The following PRELID2 variants were observed in gnomAD, a reference collection of about 807,000 sequenced individuals.
PRELID2 encodes PRELI domain-containing protein 2.
Under a neutral mutation model 28.4 loss-of-function variants are expected in PRELID2, and 25 were observed. The ratio of observed to expected loss-of-function variants is 0.88; its 90% CI spans 0.64 to 1.23. The LOEUF is 1.23. Ranked by LOEUF, PRELID2 falls within the 50% of genes most tolerant of loss-of-function variation. The probability of loss-of-function intolerance (pLI) is 0.00; values close to 1 mark genes in which losing one functional copy is unlikely to be tolerated. For synonymous variants in PRELID2, 76 were observed against 71.6 expected, an observed-to-expected ratio of 1.06 and a Z score of -0.31; for missense variants, 201 against 214.4, an observed-to-expected ratio of 0.94 and a Z score of 0.39.
At chr5:145,632,968 C>T (rs1160945671) in intron 1 of PRELID2, among the ~76,000 whole-genome samples, 6 of 152,096 alleles carry the variant, frequency 3.9e-5, no homozygotes, top group Non-Finnish European at 8.8e-5. Context: ...TGGAGAGGGC[C>T]ATGTGGCACC....
chr5:145,384,424 C>A, the PRELID2 span, among the ~76,000 whole-genome samples: 2 of 151,938 alleles, frequency 1.3e-5, no homozygotes, highest in Non-Finnish European at 2.9e-5. Flanking sequence ...TTTCTAGCAA[C>A]ATAAATGAAT....
the PRELID2 span, among the ~76,000 whole-genome samples, chr5:145,341,272 A>G: frequency 6.6e-6 from 1 of 152,188 alleles, no homozygotes; most frequent in South Asian, 2.1e-4. Flanking sequence ...AGAAATTTTT[A>G]AAATCTCAGA....
intron 5 of PRELID2, among the ~76,000 whole-genome samples, chr5:145,779,462 T>C (rs150043481): frequency 0.02 from 2,988 of 152,166 alleles, 53 homozygotes; most frequent in Non-Finnish European, 0.033. Flanking sequence ...TATATAACTA[T>C]TTAATGAAAT....
In PRELID2 at chr5:145,620,677, C is replaced by G. The variant is rs1034126440; in HGVS notation, n.70+144254G>C. Among the ~76,000 whole-genome samples, 7 of 152,068 alleles carry G rather than the reference C, an allele frequency of 4.6e-5. 1 individual carries two copies. Among genetic ancestry groups the G allele is most frequent in the African/African-American group, 1.7e-4 (7 of 41,398 alleles). On this transcript the variant is annotated intron_variant and non_coding_transcript_variant, in intron 1 of 2. Transcript: ENST00000510259. The stretch of plus-strand genomic sequence containing the variant: ...CTTGAGCCCAGGAGTTTGAGAACAA[C>G]CTCGGTAACATGGCAAAATGCAGTG...
At chr5:145,658,388 C>T (rs1170409413) in intron 1 of PRELID2, among the ~76,000 whole-genome samples, 2 of 152,158 alleles carry the variant, frequency 1.3e-5, no homozygotes, top group East Asian at 3.9e-4. Flanking sequence ...TGAGATGCAA[C>T]ATGTGATGGG....
intron 1 of PRELID2, among the ~76,000 whole-genome samples, chr5:145,483,276 A>G (rs1752179092): frequency 6.6e-6 from 1 of 152,150 alleles, no homozygotes; most frequent in Non-Finnish European, 1.5e-5. Flanking sequence ...GACAAAAGTG[A>G]CACTCTGACC....
At chr5:145,662,113 G>A (rs1754506341) in intron 1 of PRELID2, among the ~76,000 whole-genome samples, 1 of 152,000 alleles carries the variant, frequency 6.6e-6, no homozygotes, top group South Asian at 2.1e-4. Flanking sequence ...ATAGCCCACT[G>A]TGAACAGATC....
In PRELID2 at chr5:145,643,145, T is replaced by C. The variant is rs569869359; in HGVS notation, n.70+121786A>G. On this transcript the variant is annotated intron_variant and non_coding_transcript_variant, in intron 1 of 2. Coordinates refer to the PRELID2 transcript ENST00000510259. The stretch of plus-strand genomic sequence containing the variant: ...TCATAATGTTGATTCTTCCTATACA[T>C]GAGCATGGAATGTTTTTCCATTTGT... Among the ~76,000 whole-genome samples the C allele has an allele frequency of 7.9e-5, 12 of 152,336 alleles. 1 individual carries two copies. The highest frequency in any genetic ancestry group is 2.9e-4 in the African/African-American group (12 of 41,584).
At chr5:145,745,024 T>C (rs1370079791) in intron 1 of PRELID2, among the ~76,000 whole-genome samples, 2 of 151,996 alleles carry the variant, frequency 1.3e-5, no homozygotes, top group East Asian at 3.9e-4. Context: ...ATAAATGATC[T>C]GATGGAGCTA....
chr5:145,616,507 AAGAG>A (rs1753700130), intron 1 of PRELID2, among the ~76,000 whole-genome samples: 1 of 152,148 alleles, frequency 6.6e-6, no homozygotes. Context: ...CAAGGTACAA[AAGAG>A]AGAAATTTTA....
chr5:145,476,601 C>T lies in PRELID2; in HGVS notation n.71-3286G>A, dbSNP rs531713808. 1.8e-4 allele frequency among the ~76,000 whole-genome samples: 27 copies of T among 151,972 alleles called. No homozygotes were observed. The South Asian group carries it at 2.5e-3, about 14-fold the overall frequency. On this transcript the variant is annotated intron_variant and non_coding_transcript_variant, in intron 1 of 2. Transcript: ENST00000510259. ...TGGAGGTTACAGTGAGCCGAGATTGCGCCACTGCACTCCAGCCTGGGCAAC... is the reference window on the plus strand; with the variant it reads ...TGGAGGTTACAGTGAGCCGAGATTGTGCCACTGCACTCCAGCCTGGGCAAC...
intron 1 of PRELID2, among the ~76,000 whole-genome samples, chr5:145,830,336 A>C (rs1181534273): frequency 6.6e-6 from 1 of 152,236 alleles, no homozygotes; most frequent in African/African-American, 2.4e-5. Context: ...GATATAAACA[A>C]GAAAATCCAG....
Position 145,817,931 on chromosome 5 carries a change from C to A in PRELID2, c.331G>T (p.Glu111Ter). 6 of 1,573,428 alleles carry A rather than the reference C, an allele frequency of 3.8e-6. No individual in the cohort carries two copies. The highest frequency in any genetic ancestry group is 5.2e-6 in the Non-Finnish European group (6 of 1,162,238). ...TCCATACTTTCCCGGAAGACAGACT[C>A]TTCCTTCATGGATGCATACTGTGTC... ...TWTQYASMKE[E>*]SVFRESMENP... The change falls in exon 4 of 7, where the codon GAG becomes TAG. Residue 111 changes from glutamate to a stop codon, truncating the protein, a stop_gained. Coordinates refer to ENST00000683046, the MANE Select transcript of PRELID2 (RefSeq NM_205846.3). LOFTEE classifies it high-confidence loss of function.
intron 5 of PRELID2, among the ~76,000 whole-genome samples, chr5:145,776,532 T>C (rs1049392279): frequency 3.3e-5 from 5 of 152,312 alleles, no homozygotes; most frequent in Non-Finnish European, 7.4e-5. Context: ...CTTCTATCCA[T>C]GAAACTGTGA....
At chr5:145,513,360 G>A (rs1244813101) in intron 1 of PRELID2, among the ~76,000 whole-genome samples, 5 of 151,546 alleles carry the variant, frequency 3.3e-5, no homozygotes, top group East Asian at 3.9e-4. Flanking sequence ...ATCAATAGCC[G>A]AACAGATCAA....
the PRELID2 span, among the ~76,000 whole-genome samples, chr5:145,359,801 T>A: frequency 6.6e-6 from 1 of 152,202 alleles, no homozygotes; most frequent in Non-Finnish European, 1.5e-5. Flanking sequence ...GGCTCAGAGC[T>A]GAGTCCCAAG....
chr5:145,544,797 A>G (rs1752772113), intron 1 of PRELID2, among the ~76,000 whole-genome samples: 2 of 152,148 alleles, frequency 1.3e-5, no homozygotes, highest in Admixed American at 1.3e-4. Flanking sequence ...CTTTCTCTCT[A>G]AGAGCAAAGA....
the PRELID2 span, among the ~76,000 whole-genome samples, chr5:145,329,308 T>G: frequency 6.6e-6 from 1 of 152,200 alleles, no homozygotes; most frequent in Admixed American, 6.5e-5. Flanking sequence ...TTTTTCTAAT[T>G]CTGTGAAGAA....
At chr5:145,821,152 G>GTGTGTGTGTGT (rs1754761991) in intron 2 of PRELID2, among the ~76,000 whole-genome samples, 17 of 88,264 alleles carry the variant, frequency 1.9e-4, no homozygotes, top group African/African-American at 6.8e-4. Flanking sequence ...AACTCTCCTG[G>GTGTGTGTGTGT]GTGTGTGTGT....
Sources: gnomAD v4.1 joint callset for allele counts (sites outside exome capture counted in the v4.1 genomes callset) on GRCh38, gnomAD v4.1.1 for gene constraint, MANE v1.5 for transcripts, NCBI Gene and HGNC (gene_info 2026-07-23, HGNC 2026-07-21) for gene names.